Variants in SV2C observed in about 807,000 individuals in gnomAD.
SV2C encodes solute carrier family 22 member B3.
A neutral mutation model predicts 79.7 loss-of-function variants in SV2C; 49 were observed. The observed-to-expected ratio is 0.61, with a 90% confidence interval of 0.49 to 0.78. SV2C has a LOEUF of 0.78. SV2C is among the 30% of genes least tolerant of loss of function. The probability of loss-of-function intolerance (pLI) is 0.00; values close to 1 mark genes in which losing one functional copy is unlikely to be tolerated. For missense variants in SV2C, 833 were observed against 912.9 expected (o/e 0.91, Z 1.13); for synonymous variants, 334 against 333.2 (o/e 1.00, Z -0.03).
chr5:75,930,460 G>T, the SV2C span, among the ~76,000 whole-genome samples: 4 of 152,204 alleles, frequency 2.6e-5, no homozygotes, highest in African/African-American at 9.6e-5. Flanking sequence ...TTAACAAAAA[G>T]ATTCATACAA....
the SV2C span, among the ~76,000 whole-genome samples, chr5:76,068,615 A>G: frequency 6.6e-6 from 1 of 152,162 alleles, no homozygotes; most frequent in Non-Finnish European, 1.5e-5. Flanking sequence ...AAAATAGTTA[A>G]CATAGTAGCA....
At chr5:76,119,597 AT>A (rs1748412150) in intron 1 of SV2C, among the ~76,000 whole-genome samples, 1 of 152,142 alleles carries the variant, frequency 6.6e-6, no homozygotes, top group Non-Finnish European at 1.5e-5. Context: ...GCCTGCCAGT[AT>A]TTCTGTACAA....
intron 12 of SV2C, among the ~76,000 whole-genome samples, chr5:76,302,241 T>TGCAGACACATGAG (rs1748032773): frequency 6.6e-6 from 1 of 152,202 alleles, no homozygotes; most frequent in Admixed American, 6.5e-5. Flanking sequence ...CTGCATGAGC[T>TGCAGACACATGAG]CTGCATTAAG....
At chr5:76,233,841 C>T (rs181587993) in intron 4 of SV2C, among the ~76,000 whole-genome samples, 1 of 151,176 alleles carries the variant, frequency 6.6e-6, no homozygotes, top group Admixed American at 6.6e-5. Flanking sequence ...ATTCGTTTTG[C>T]CAGTATTTTA....
intron 4 of SV2C, among the ~76,000 whole-genome samples, chr5:76,267,464 C>A (rs1056929437): frequency 2.0e-5 from 3 of 152,080 alleles, no homozygotes; most frequent in Admixed American, 6.5e-5. Flanking sequence ...ACCTTTCATG[C>A]CTTTTTAACT....
intron 12 of SV2C, among the ~76,000 whole-genome samples, chr5:76,340,858 C>A (rs1246133726): frequency 1.3e-5 from 2 of 151,968 alleles, no homozygotes; most frequent in Admixed American, 1.3e-4. Context: ...TATCCTCCTG[C>A]CTCAGCCTTC....
At chr5:76,212,681 A>C (rs1374185042) in intron 4 of SV2C, among the ~76,000 whole-genome samples, 1 of 151,964 alleles carries the variant, frequency 6.6e-6, no homozygotes, top group Admixed American at 6.6e-5. Flanking sequence ...CGTAACTCAC[A>C]CTGGCTTCTG....
At chr5:76,086,389 C>T (rs947115323) in intron 1 of SV2C, among the ~76,000 whole-genome samples, 1 of 152,196 alleles carries the variant, frequency 6.6e-6, no homozygotes, top group Non-Finnish European at 1.5e-5. Context: ...GGCTCCTTAA[C>T]CAGCCCACTG....
chr5:76,013,661 A>C, the SV2C span, among the ~76,000 whole-genome samples: 1 of 152,100 alleles, frequency 6.6e-6, no homozygotes, highest in Admixed American at 6.6e-5. Flanking sequence ...AACATAGTGA[A>C]AAGGAGAGAT....
chr5:76,247,647 C>A lies in SV2C; in HGVS notation c.914-37515C>A, dbSNP rs1038754370. Among the ~76,000 whole-genome samples the A allele has an allele frequency of 5.9e-5, 9 of 152,134 alleles. No homozygotes were observed. In the South Asian group the frequency reaches 1.9e-3, roughly 32 times the overall value. ...ATCAAATGCCAAGGGGAGGGTAATA[C>A]AACATCGGGGAACTAGGGTAATTCT... On this transcript the variant is annotated intron_variant, in intron 4 of 12. Transcript: ENST00000502798.
At chr5:76,076,352 C>A in the SV2C span, among the ~76,000 whole-genome samples, 1 of 152,136 alleles carries the variant, frequency 6.6e-6, no homozygotes, top group Non-Finnish European at 1.5e-5. Context: ...TTTCCTATTG[C>A]CTGCACATAT....
chr5:76,038,014 G>A, the SV2C span, among the ~76,000 whole-genome samples: 13 of 152,126 alleles, frequency 8.5e-5, no homozygotes, highest in South Asian at 1.0e-3. Flanking sequence ...TCCAGGTGCC[G>A]TCTGTCACCA....
At chr5:75,994,256 T>C in the SV2C span, among the ~76,000 whole-genome samples, 1 of 152,008 alleles carries the variant, frequency 6.6e-6, no homozygotes, top group Non-Finnish European at 1.5e-5. Context: ...GACGGTGAGA[T>C]GGGAGATGTA....
chr5:76,029,533 G>A, the SV2C span, among the ~76,000 whole-genome samples: 1 of 151,904 alleles, frequency 6.6e-6, no homozygotes, highest in Non-Finnish European at 1.5e-5. Context: ...ATCTGAGAAA[G>A]CCCTACAGTA....
chr5:75,994,575 C>T, the SV2C span, among the ~76,000 whole-genome samples: 30 of 152,200 alleles, frequency 2.0e-4, no homozygotes, highest in East Asian at 4.3e-3. Context: ...TTGTGACTCT[C>T]TAAATTTCTG....
chr5:76,144,715 G>A (rs1308736690), intron 2 of SV2C, among the ~76,000 whole-genome samples: 1 of 152,168 alleles, frequency 6.6e-6, no homozygotes, highest in Non-Finnish European at 1.5e-5. Flanking sequence ...ATATTCAGAA[G>A]ATGAGAACCT....
At chr5:76,045,391 T>A in the SV2C span, among the ~76,000 whole-genome samples, 1 of 152,208 alleles carries the variant, frequency 6.6e-6, no homozygotes, top group African/African-American at 2.4e-5. Context: ...GTCTTGGCTA[T>A]ATGAGCTCTT....
chr5:75,899,292 G>A, the SV2C span, among the ~76,000 whole-genome samples: 2 of 152,196 alleles, frequency 1.3e-5, no homozygotes, highest in Non-Finnish European at 2.9e-5. Context: ...TGGTTTCAAA[G>A]AACATCTTTA....
the SV2C span, among the ~76,000 whole-genome samples, chr5:75,875,629 A>G: frequency 6.6e-6 from 1 of 152,058 alleles, no homozygotes; most frequent in African/African-American, 2.4e-5. Context: ...GAAACTATCA[A>G]CGGGGTAAAC....
Sources: gnomAD v4.1 joint callset for allele counts (sites outside exome capture counted in the v4.1 genomes callset) on GRCh38, gnomAD v4.1.1 for gene constraint, MANE v1.5 for transcripts, NCBI Gene and HGNC (gene_info 2026-07-23, HGNC 2026-07-21) for gene names.